CFAP206: variants seen among roughly 807,000 people sequenced by gnomAD.
CFAP206 encodes cilia and flagella associated protein 206, also known as cilia- and flagella-associated protein 206.
CFAP206 carries 53 observed loss-of-function variants against 65.4 expected under a neutral mutation model. The ratio of observed to expected loss-of-function variants is 0.81; its 90% CI spans 0.65 to 1.02. The LOEUF (loss-of-function observed/expected upper bound fraction) is 1.02, where lower values mean the gene tolerates loss of function less well. Ranked by LOEUF, CFAP206 falls within the 50% of genes least tolerant of loss-of-function variation. The pLI, the probability that CFAP206 is intolerant of heterozygous loss-of-function variation, is 0.00. For synonymous variants in CFAP206, 250 were observed against 254.4 expected, an observed-to-expected ratio of 0.98 and a Z score of 0.17; for missense variants, 663 against 753.2, an observed-to-expected ratio of 0.88 and a Z score of 1.40.
At chr6:87,454,398 A>G (rs1464071632) in intron 11 of CFAP206, among the ~76,000 whole-genome samples, 2 of 152,000 alleles carry the variant, frequency 1.3e-5, no homozygotes, top group African/African-American at 4.8e-5. Context: ...AAATACTTAC[A>G]GTACATTTTG....
intron 1 of CFAP206, chr6:87,408,529 A>G (rs1272039762): frequency 1.4e-5 from 1 of 73,282 alleles, no homozygotes; most frequent in South Asian, 3.5e-4. Flanking sequence ...ACAGATCCGG[A>G]GCGCGCACAC....
intron 1 of CFAP206, among the ~76,000 whole-genome samples, chr6:87,408,301 G>A (rs972700450): frequency 1.3e-5 from 2 of 152,254 alleles, no homozygotes; most frequent in Non-Finnish European, 2.9e-5. Flanking sequence ...CTGCAGGGCT[G>A]CCCTCTAGCC....
intron 11 of CFAP206, among the ~76,000 whole-genome samples, chr6:87,450,912 A>C (rs939783971): frequency 6.6e-6 from 1 of 152,126 alleles, no homozygotes; most frequent in Non-Finnish European, 1.5e-5. Flanking sequence ...GATTGTTAGG[A>C]CTTTGCATTG....
chr6:87,415,761 G>C lies in CFAP206; in HGVS notation c.359G>C (p.Arg120Thr), dbSNP rs1171115303. ...GTTACCCGAGAAATTACAGATAACA[G>C]AGCATGTGCTAAAGAAGAATTGGAA... ...GSVTREITDNRACAKEELESL... is the reference protein window; with the variant it reads ...GSVTREITDNTACAKEELESL... The change falls in exon 5 of 13, where the codon AGA becomes ACA. Residue 120 changes from arginine (R) to threonine (T), a missense_variant. Arg to Thr is a moderately conservative substitution (Grantham distance 71, BLOSUM62 -1). Transcript: ENST00000369562. 1.2e-6 allele frequency: 2 copies of C among 1,613,494 alleles called. No homozygotes were observed. The highest frequency in any genetic ancestry group is 2.7e-5 in the African/African-American group (2 of 74,916).
intron 11 of CFAP206, among the ~76,000 whole-genome samples, chr6:87,452,827 C>T (rs1356660395): frequency 6.6e-6 from 1 of 152,004 alleles, no homozygotes; most frequent in African/African-American, 2.4e-5. Context: ...GGCACATTTA[C>T]AGGATCTAAA....
chr6:87,410,396 C>G (rs1246918512), intron 2 of CFAP206, among the ~76,000 whole-genome samples, 189 bp from the exon 3 acceptor site: 1 of 152,164 alleles, frequency 6.6e-6, no homozygotes, highest in Admixed American at 6.5e-5. Context: ...ATGTTTGTTG[C>G]TTCCTTTTTT....
Position 87,410,605 on chromosome 6 carries a change from T to C in CFAP206, c.129T>C (p.Asp43=). 6.2e-7 allele frequency: 1 copy of C among 1,614,020 alleles called. No individual in the cohort carries two copies. Among genetic ancestry groups the C allele is most frequent in the Non-Finnish European group, 8.5e-7 (1 of 1,179,898 alleles). ...TCTAGGTGAAAGCTGTTGTCCTGGA[T>C]CCAAGTAATGGCTTTAACATGGATA... ...IAFMVKAVVL[D]PSNGFNMDRT... Residue 43 remains aspartate, a synonymous_variant, in exon 3 of 13, where the codon GAT becomes GAC. Transcript: ENST00000369562.
In CFAP206 at chr6:87,408,025, C is replaced by G. The variant is rs7759848; in HGVS notation, c.-70C>G. On this transcript the variant is annotated 5_prime_UTR_variant, in exon 1 of 13. Coordinates refer to ENST00000369562, the MANE Select transcript of CFAP206 (RefSeq NM_001031743.3). ...GCTGCGAGCGCCCAACTGCTCCGACCGTCGCGGTGAGGGCCCCAGGACAGA... is the reference window on the plus strand; with the variant it reads ...GCTGCGAGCGCCCAACTGCTCCGACGGTCGCGGTGAGGGCCCCAGGACAGA... 6.1e-6 allele frequency: 6 copies of G among 985,500 alleles called. No homozygotes were observed. The highest frequency in any genetic ancestry group is 7.2e-6 in the Non-Finnish European group (6 of 830,052). The allele number at this position is 985,500 out of a possible 1,614,324, so 61.0% of individuals were successfully genotyped here. A position where few individuals can be genotyped will look rare whatever the true frequency, so the allele number is the denominator to read the frequency against.
Position 87,444,104 on chromosome 6 carries a change from TA to T in CFAP206, c.1494+9056del, listed in dbSNP as rs1450003023. ...AAAGCTATTATTGATATCTAATTTT[TA>T]AAAAGAATCAAGAGACTTTTAAAAT... On this transcript the variant is annotated intron_variant, in intron 11 of 12. Coordinates refer to ENST00000369562, the MANE Select transcript of CFAP206 (RefSeq NM_001031743.3). 2.0e-5 allele frequency among the ~76,000 whole-genome samples: 3 copies of T among 152,210 alleles called. 1 individual carries two copies. Among genetic ancestry groups the T allele is most frequent in the African/African-American group, 7.2e-5 (3 of 41,466 alleles).
chr6:87,425,265 C>A (rs12529035), intron 7 of CFAP206, among the ~76,000 whole-genome samples: 5,741 of 152,198 alleles, frequency 0.038, 133 homozygotes, highest in Middle Eastern at 0.078. Context: ...AAGACAGATA[C>A]AAATTCTTAC....
intron 8 of CFAP206, among the ~76,000 whole-genome samples, chr6:87,426,852 G>A (rs118021718): frequency 0.013 from 2,026 of 152,284 alleles, 19 homozygotes; most frequent in Non-Finnish European, 0.021. Flanking sequence ...GCTACTAAAG[G>A]AACTGCAACT....
intron 1 of CFAP206, among the ~76,000 whole-genome samples, chr6:87,409,237 TTTTC>T (rs1767684695): frequency 6.6e-6 from 1 of 151,908 alleles, no homozygotes. Context: ...CTTTTTTTTT[TTTTC>T]CTGAGACACA....
At chr6:87,412,182 A>G (rs1363731290) in intron 3 of CFAP206, among the ~76,000 whole-genome samples, 1 of 152,120 alleles carries the variant, frequency 6.6e-6, no homozygotes, top group East Asian at 1.9e-4. Flanking sequence ...TCAAGTGACA[A>G]TTTTTTTCTC....
At chr6:87,432,478 ATTCCTTCC>A (rs1194673610) in intron 10 of CFAP206, among the ~76,000 whole-genome samples, 1 of 151,656 alleles carries the variant, frequency 6.6e-6, no homozygotes, top group Admixed American at 6.6e-5. Flanking sequence ...CCCCCTCTCC[ATTCCTTCC>A]TTCCTTCCCT....
chr6:87,433,966 G>A (rs931672057), intron 10 of CFAP206, among the ~76,000 whole-genome samples: 7 of 152,026 alleles, frequency 4.6e-5, no homozygotes, highest in Non-Finnish European at 8.8e-5. Context: ...TGGGTGTGGT[G>A]GTGCACACCT....
rs776955208 is a variant in CFAP206 at position 87,409,875 on chromosome 6, T to A, written c.36T>A (p.Ser12Arg). Reference protein sequence around the residue: ...PPTQAESVIRSIIREIGQECA... With the variant: ...PPTQAESVIRRIIREIGQECA... ...CTCAGGCCGAAAGTGTTATAAGGAG[T>A]ATTATACGAGAAATAGGACAAGAAT... Residue 12 changes from serine (S) to arginine (R), a missense_variant, in exon 2 of 13, where the codon AGT becomes AGA. Transcript: ENST00000369562. The A allele has an allele frequency of 6.2e-7, 1 of 1,613,342 alleles. No homozygotes were observed. Among genetic ancestry groups the A allele is most frequent in the Admixed American group, 1.7e-5 (1 of 59,926 alleles).
intron 11 of CFAP206, among the ~76,000 whole-genome samples, chr6:87,452,576 A>G (rs779974086): frequency 1.2e-4 from 19 of 152,288 alleles, no homozygotes; most frequent in Admixed American, 9.2e-4. Context: ...AGGAAGCTCA[A>G]TGAAATCCAA....
In CFAP206 at chr6:87,418,340, C is replaced by A. The variant is rs1767873264; in HGVS notation, c.764C>A (p.Ala255Asp). The change falls in exon 7 of 13, where the codon GCT becomes GAT. Residue 255 changes from alanine to aspartate, a missense_variant. By Grantham distance (126) the Ala-to-Asp change is moderately radical. Coordinates refer to ENST00000369562, the MANE Select transcript of CFAP206 (RefSeq NM_001031743.3). ...GCAGCCAACGACCCACTCATGAGGG[C>A]TGAACTTCAGCCATATATGTTAAAA... is the stretch of plus-strand genomic sequence containing the variant. ...EKAANDPLMR[A>D]ELQPYMLKEA... 1 of 1,614,000 alleles carries A rather than the reference C, an allele frequency of 6.2e-7. No homozygotes were observed.
At chr6:87,433,197 C>A (rs1252705520) in intron 10 of CFAP206, among the ~76,000 whole-genome samples, 1 of 152,158 alleles carries the variant, frequency 6.6e-6, no homozygotes, top group Non-Finnish European at 1.5e-5. Flanking sequence ...TTTAAAATAT[C>A]AATTGCACAC....
Sources: allele counts gnomAD v4.1 joint callset (sites outside exome capture counted in the v4.1 genomes callset), GRCh38; gene constraint gnomAD v4.1.1; transcripts MANE v1.5; gene names NCBI Gene and HGNC (gene_info 2026-07-23, HGNC 2026-07-21).